Variants in EIF4B observed in about 807,000 individuals in gnomAD.
The protein encoded by EIF4B is eukaryotic translation initiation factor 4B.
A neutral mutation model predicts 79.3 loss-of-function variants in EIF4B; 8 were observed. The observed-to-expected ratio is 0.10, with a 90% CI of 0.06 to 0.18. EIF4B has a LOEUF of 0.18. EIF4B is among the 10% of genes least tolerant of loss of function. EIF4B has a pLI of 1.00. For missense variants in EIF4B, 515 were observed against 792.4 expected (o/e 0.65, Z 4.20); for synonymous variants, 238 against 274.7 (o/e 0.87, Z 1.32).
intron 3 of EIF4B, among the ~76,000 whole-genome samples, chr12:53,019,459 T>TTTTTTTTTTC (rs1943211003): frequency 1.3e-5 from 1 of 79,936 alleles, no homozygotes; most frequent in Non-Finnish European, 2.2e-5. Context: ...TCTTTTTTTT[T>TTTTTTTTTTC]TTTTTTTTTT....
intron 1 of EIF4B, among the ~76,000 whole-genome samples, chr12:53,013,383 G>C (rs1228107148): frequency 6.6e-6 from 1 of 152,198 alleles, no homozygotes; most frequent in African/African-American, 2.4e-5. Context: ...ATTAATCCCA[G>C]ACACTATTTT....
chr12:53,032,950 C>T (rs1943473509), intron 8 of EIF4B, among the ~76,000 whole-genome samples: 1 of 152,044 alleles, frequency 6.6e-6, no homozygotes, highest in South Asian at 2.1e-4. Context: ...GGATTACAGG[C>T]GTGAGCCATT....
At chr12:53,019,834 C>T in intron 3 of EIF4B, 76 bp from the exon 4 acceptor site, 1 of 1,410,986 alleles carries the variant, frequency 7.1e-7, no homozygotes, top group Non-Finnish European at 9.9e-7. Flanking sequence ...TACAGTAATG[C>T]TTTTGTAGTC....
intron 1 of EIF4B, among the ~76,000 whole-genome samples, chr12:53,014,380 T>C (rs1224152027): frequency 2.0e-5 from 3 of 146,964 alleles, no homozygotes; most frequent in Non-Finnish European, 4.4e-5. Context: ...GCCACTGCAC[T>C]CCAGCCTGTA....
rs776100875 is a variant in EIF4B at position 53,034,017 on chromosome 12, A to G, written c.1191A>G (p.Glu397=). 1 of 1,612,468 alleles carries G rather than the reference A, an allele frequency of 6.2e-7. No individual in the cohort carries two copies. The highest frequency in any genetic ancestry group is 8.5e-7 in the Non-Finnish European group (1 of 1,179,172). The change falls in exon 9 of 15, where the codon GAA becomes GAG. Residue 397 remains glutamate, a synonymous_variant. Transcript: ENST00000262056. The stretch of plus-strand genomic sequence containing the variant: ...GTCAGCTGGATGAGCCAAAACTAGA[A>G]CGACGGCCTCGGGAGAGGTGTGTTG... ...LQRQLDEPKL[E]RRPRERHPSW...
At position 53,027,934 on chromosome 12, in the gene EIF4B, T is replaced by C. The variant is rs757623057; in HGVS notation, c.805+15T>C. On this transcript the variant is annotated intron_variant, in intron 7 of 14. Coordinates refer to ENST00000262056, the MANE Select transcript of EIF4B (RefSeq NM_001417.7). ...CTATGATAGAGGTAATTGTAAAACA[T>C]GTCGAATTGCTCTTTCAGTAACTTT... 1 of 1,610,630 alleles carries C rather than the reference T, an allele frequency of 6.2e-7. No individual in the cohort carries two copies. Among genetic ancestry groups the C allele is most frequent in the Admixed American group, 1.7e-5 (1 of 59,510 alleles).
chr12:53,034,589 T>G, intron 9 of EIF4B, 23 bp from the exon 10 acceptor site: 1 of 1,613,652 alleles, frequency 6.2e-7, no homozygotes, highest in Non-Finnish European at 8.5e-7. Context: ...GCATAATGTG[T>G]ATTTTGTGAA....
At chr12:53,018,678 T>C (rs7960191) in intron 2 of EIF4B, 120 bp from the exon 3 acceptor site, 56,483 of 1,095,538 alleles carry the variant, frequency 0.052, 2,474 homozygotes, top group African/African-American at 0.18. Flanking sequence ...CCCCACTTTT[T>C]TTGGTCTGGT....
intron 8 of EIF4B, among the ~76,000 whole-genome samples, chr12:53,033,495 C>T (rs1943484731): frequency 6.6e-6 from 1 of 151,746 alleles, no homozygotes; most frequent in African/African-American, 2.4e-5. Context: ...GGTGCGCGCC[C>T]CAACGCCCAG....
rs1305167657 is a variant in EIF4B at position 53,011,529 on chromosome 12, C to T, written c.14-4944C>T. On this transcript the variant is annotated intron_variant, in intron 1 of 14. Coordinates refer to ENST00000262056, the MANE Select transcript of EIF4B (RefSeq NM_001417.7). Reference sequence around the variant, plus strand: ...TTGGTTGTCAGAGTGGAATGGGGATCGGGGATTACTATTGGCATCTAATGA... The same window carrying T: ...TTGGTTGTCAGAGTGGAATGGGGATTGGGGATTACTATTGGCATCTAATGA... Among the ~76,000 whole-genome samples the T allele has an allele frequency of 9.9e-5, 15 of 152,238 alleles. No homozygotes were observed. In the South Asian group the frequency reaches 2.5e-3, roughly 25 times the overall value.
intron 8 of EIF4B, among the ~76,000 whole-genome samples, chr12:53,031,692 G>A (rs1943449388): frequency 6.6e-6 from 1 of 152,222 alleles, no homozygotes; most frequent in South Asian, 2.1e-4. Context: ...TATATAAACT[G>A]TCGGCTTAAA....
chr12:53,028,124 G>C lies in EIF4B; in HGVS notation c.915G>C (p.Arg305=). ...GDRYEDRYDR[R]DDRSWSSRDD... The stretch of plus-strand genomic sequence containing the variant: ...GCTATGAAGACCGATATGACAGACG[G>C]GATGATCGGTCGTGGAGCTCCAGAG... The change falls in exon 8 of 15, where the codon CGG becomes CGC. Residue 305 remains arginine, a synonymous_variant. Coordinates refer to ENST00000262056, the MANE Select transcript of EIF4B (RefSeq NM_001417.7). 1 of 1,614,062 alleles carries C rather than the reference G, an allele frequency of 6.2e-7. No individual in the cohort carries two copies. The highest frequency in any genetic ancestry group is 8.5e-7 in the Non-Finnish European group (1 of 1,179,978).
chr12:53,032,231 C>T (rs923032336), intron 8 of EIF4B, among the ~76,000 whole-genome samples: 15 of 152,092 alleles, frequency 9.9e-5, no homozygotes, highest in South Asian at 2.1e-4. Context: ...CACTTGAGGT[C>T]GGGAGTTCAA....
rs1364333791 is a variant in EIF4B at position 53,039,765 on chromosome 12, TCTTA to T, written c.1755+66_1755+69del. ...GAAAAATTCTTAGAATTCTAAGTAT[TCTTA>T]CTAAGAATTAAAAATTCTTAGTATT... On this transcript the variant is annotated intron_variant, in intron 14 of 14. Transcript: ENST00000262056. The T allele has an allele frequency of 4.0e-6, 6 of 1,515,364 alleles. No individual in the cohort carries two copies. The East Asian group carries it at 9.7e-5, about 25-fold the overall frequency. The allele number at this position is 1,515,364 out of a possible 1,614,324, so 93.9% of individuals were successfully genotyped here.
chr12:53,015,981 A>G (rs1218295847), intron 1 of EIF4B, among the ~76,000 whole-genome samples: 1 of 147,760 alleles, frequency 6.8e-6, no homozygotes, highest in Non-Finnish European at 1.5e-5. Context: ...TCTGTCTCAA[A>G]AAAAAAAAAA....
chr12:53,022,304 G>GA (rs1943258077), intron 5 of EIF4B, 189 bp from the exon 6 acceptor site: 2 of 795,310 alleles, frequency 2.5e-6, no homozygotes, highest in Admixed American at 2.0e-5. Flanking sequence ...AAACCAATAG[G>GA]AAAAAACGGG....
chr12:53,019,458 T>TTTTTTTTC (rs1943210773), intron 3 of EIF4B, among the ~76,000 whole-genome samples: 1 of 78,930 alleles, frequency 1.3e-5, no homozygotes, highest in Non-Finnish European at 2.2e-5. Flanking sequence ...TTCTTTTTTT[T>TTTTTTTTC]TTTTTTTTTT....
chr12:53,027,105 C>CAG (rs1943346650), intron 6 of EIF4B, among the ~76,000 whole-genome samples: 1 of 106,026 alleles, frequency 9.4e-6, no homozygotes, highest in African/African-American at 3.1e-5. Context: ...GCCTGGGCAG[C>CAG]AGAGAGAGAC....
Position 53,023,023 on chromosome 12 carries a change from G to A in EIF4B, c.667+396G>A, listed in dbSNP as rs142053670. 3.6e-3 allele frequency among the ~76,000 whole-genome samples: 550 copies of A among 152,108 alleles called. 1 individual carries two copies. The highest frequency in any genetic ancestry group is 0.01 in the Middle Eastern group (3 of 292). On this transcript the variant is annotated intron_variant, in intron 6 of 14. Coordinates refer to ENST00000262056, the MANE Select transcript of EIF4B (RefSeq NM_001417.7). ...CCAAAAAGAAAAAGAAAAAGCTGAC[G>A]TGGTGGTACGCACCTGCAGTCCTAG...
Sources: gnomAD v4.1 joint callset for allele counts (sites outside exome capture counted in the v4.1 genomes callset) on GRCh38, gnomAD v4.1.1 for gene constraint, MANE v1.5 for transcripts, NCBI Gene and HGNC (gene_info 2026-07-23, HGNC 2026-07-21) for gene names.